EDAR: variants seen among roughly 807,000 people sequenced by gnomAD.
The protein encoded by EDAR is tumor necrosis factor receptor superfamily member EDAR.
A neutral mutation model predicts 51.3 loss-of-function variants in EDAR; 38 were observed. That is an observed-to-expected ratio of 0.74 (90% confidence interval 0.57 to 0.97). EDAR has a LOEUF of 0.97. Ranked by LOEUF, EDAR falls within the 50% of genes least tolerant of loss-of-function variation. The pLI is 0.00. For missense variants in EDAR, 528 were observed against 595.0 expected (o/e 0.89, Z 1.17); for synonymous variants, 227 against 242.1 (o/e 0.94, Z 0.58).
At chr2:108,968,951 C>G (rs1698193350) in intron 1 of EDAR, among the ~76,000 whole-genome samples, 1 of 152,340 alleles carries the variant, frequency 6.6e-6, no homozygotes, top group Middle Eastern at 3.4e-3. Flanking sequence ...TAAGACTTCA[C>G]TGCTCTGTGG....
chr2:108,908,301 G>A (rs150902916), intron 9 of EDAR, among the ~76,000 whole-genome samples: 1,541 of 152,236 alleles, frequency 0.01, 26 homozygotes, highest in African/African-American at 0.035. Context: ...AGGCATCCAC[G>A]GGCCTCTCCT....
At chr2:108,932,118 T>C (rs935945461) in intron 1 of EDAR, among the ~76,000 whole-genome samples, 4 of 152,218 alleles carry the variant, frequency 2.6e-5, no homozygotes, top group Admixed American at 1.3e-4. Flanking sequence ...GACGAACATA[T>C]GCCATGATGC....
chr2:108,934,984 C>T (rs565815255), intron 1 of EDAR, among the ~76,000 whole-genome samples: 19 of 152,302 alleles, frequency 1.2e-4, no homozygotes, highest in South Asian at 6.2e-4. Context: ...TGAAGCCAGT[C>T]GCCACCCAGC....
Position 108,929,190 on chromosome 2 carries a change from G to A in EDAR, c.356+8C>T, listed in dbSNP as rs1697317069. ...ATGCCAGGGTTTGCCAGGAGGGCCT[G>A]TGCTTACCCAGGGAGGCAAGGGCCA... On this transcript the variant is annotated splice_region_variant and intron_variant, in intron 4 of 11. Transcript: ENST00000258443. The A allele has an allele frequency of 6.2e-7, 1 of 1,613,872 alleles. No individual in the cohort carries two copies.
chr2:108,956,870 C>T (rs1347780225), intron 1 of EDAR, among the ~76,000 whole-genome samples: 1 of 152,032 alleles, frequency 6.6e-6, no homozygotes, highest in Non-Finnish European at 1.5e-5. Flanking sequence ...CACACCGCAA[C>T]CTCCACCTCC....
At chr2:108,914,043 T>G (rs1277465492) in intron 5 of EDAR, among the ~76,000 whole-genome samples, 1 of 151,428 alleles carries the variant, frequency 6.6e-6, no homozygotes, top group African/African-American at 2.4e-5. Context: ...GGTGGATCAC[T>G]TGAGGTCAGG....
intron 11 of EDAR, among the ~76,000 whole-genome samples, chr2:108,903,316 C>A (rs1449528720): frequency 6.6e-6 from 1 of 151,970 alleles, no homozygotes; most frequent in Non-Finnish European, 1.5e-5. Flanking sequence ...CAAATCTTCC[C>A]AGATTGATAT....
Position 108,923,486 on chromosome 2 carries a change from G to A in EDAR, c.357-33C>T, listed in dbSNP as rs376733198. On this transcript the variant is annotated intron_variant, in intron 4 of 11. Coordinates refer to ENST00000258443, the MANE Select transcript of EDAR (RefSeq NM_022336.4). ...GGAGAGACAAGACAAAACAGAGACA[G>A]GTGAGCTGGACAGCACACAGGCAGG... The A allele has an allele frequency of 1.7e-5, 28 of 1,601,332 alleles. No homozygotes were observed. In the African/African-American group the frequency reaches 3.1e-4, roughly 18 times the overall value.
chr2:108,953,412 T>C (rs547857935), intron 1 of EDAR, among the ~76,000 whole-genome samples: 50 of 152,244 alleles, frequency 3.3e-4, no homozygotes, highest in Non-Finnish European at 6.3e-4. Context: ...ATCTCTAAAC[T>C]CTGCCTCTTC....
chr2:108,938,800 A>AC (rs1697527134), intron 1 of EDAR, among the ~76,000 whole-genome samples: 2 of 36,342 alleles, frequency 5.5e-5, no homozygotes, highest in Admixed American at 2.5e-4. Context: ...CCCCCGCCCC[A>AC]CCCCCCAGAG....
rs1273745871 is a variant in EDAR, at chr2:108,923,363, C to A, written c.442+5G>T. ...CCGTGCTGGTGGAAGGACAAAGACA[C>A]TCACATTCCTTGGTGTTGGGGGGTG... On this transcript the variant is annotated splice_donor_5th_base_variant and intron_variant, in intron 5 of 11. Coordinates refer to ENST00000258443, the MANE Select transcript of EDAR (RefSeq NM_022336.4). 2 of 1,613,844 alleles carry A rather than the reference C, an allele frequency of 1.2e-6. No homozygotes were observed. The highest frequency in any genetic ancestry group is 1.3e-5 in the African/African-American group (1 of 74,924).
At chr2:108,970,900 T>G (rs530899685) in intron 1 of EDAR, among the ~76,000 whole-genome samples, 1 of 152,298 alleles carries the variant, frequency 6.6e-6, no homozygotes, top group South Asian at 2.1e-4. Context: ...AGTGATAGAT[T>G]TGCTAATTCT....
At chr2:108,899,855 G>A (rs760250112) in intron 11 of EDAR, among the ~76,000 whole-genome samples, 10 of 152,070 alleles carry the variant, frequency 6.6e-5, no homozygotes, top group African/African-American at 9.7e-5. Context: ...GCGTGGTAGT[G>A]CACACCTGTA....
intron 1 of EDAR, among the ~76,000 whole-genome samples, chr2:108,980,111 G>A (rs1698394971): frequency 7.0e-6 from 1 of 143,468 alleles, no homozygotes; most frequent in African/African-American, 2.5e-5. Context: ...GGGGTGGGGT[G>A]GGGTCGGGTG....
chr2:108,924,298 G>A (rs549558781), intron 4 of EDAR, among the ~76,000 whole-genome samples: 28 of 152,300 alleles, frequency 1.8e-4, no homozygotes, highest in African/African-American at 5.5e-4. Context: ...CAGCCGTCCC[G>A]CTCCCAGGCA....
intron 5 of EDAR, among the ~76,000 whole-genome samples, chr2:108,920,911 A>C (rs1235452731): frequency 6.6e-6 from 1 of 152,124 alleles, no homozygotes; most frequent in Non-Finnish European, 1.5e-5. Context: ...AGAGGACATG[A>C]GGCTCTGGGA....
intron 1 of EDAR, among the ~76,000 whole-genome samples, chr2:108,966,587 G>GAGTT (rs1265484726): frequency 6.6e-6 from 1 of 152,242 alleles, no homozygotes. Flanking sequence ...AGTCATCAGA[G>GAGTT]AGTTCTACGG....
intron 1 of EDAR, among the ~76,000 whole-genome samples, chr2:108,946,381 G>A (rs547795446): frequency 6.6e-6 from 1 of 152,344 alleles, no homozygotes; most frequent in African/African-American, 2.4e-5. Flanking sequence ...GTAAAGACTT[G>A]CAGAGCTGAA....
At chr2:108,919,642 G>A (rs905704826) in intron 5 of EDAR, among the ~76,000 whole-genome samples, 2 of 152,206 alleles carry the variant, frequency 1.3e-5, no homozygotes, top group African/African-American at 4.8e-5. Context: ...TCAGGTGTGA[G>A]CCACTGCGCC....
Sources: allele counts gnomAD v4.1 joint callset (sites outside exome capture counted in the v4.1 genomes callset), GRCh38; gene constraint gnomAD v4.1.1; transcripts MANE v1.5; gene names NCBI Gene and HGNC (gene_info 2026-07-23, HGNC 2026-07-21).